NAALADL2: variants seen among roughly 807,000 people sequenced by gnomAD.
NAALADL2 encodes the protein N-acetylated alpha-linked acidic dipeptidase like 2.
NAALADL2 carries 76 observed loss-of-function variants against 87.2 expected under a neutral mutation model. That is an observed-to-expected ratio of 0.87 (90% CI 0.72 to 1.05). NAALADL2 has a LOEUF of 1.05. Among genes scored for constraint, NAALADL2 ranks in the 50% least tolerant of loss-of-function variants. The probability of loss-of-function intolerance (pLI) is 0.00; values close to 1 mark genes in which losing one functional copy is unlikely to be tolerated. For missense variants in NAALADL2, 1,089 were observed against 945.8 expected (o/e 1.15, Z -1.99); for synonymous variants, 354 against 331.0 (o/e 1.07, Z -0.75).
chr3:175,742,202 G>C (rs985530338), intron 12 of NAALADL2, among the ~76,000 whole-genome samples: 19 of 152,094 alleles, frequency 1.2e-4, no homozygotes, highest in African/African-American at 4.3e-4. Context: ...TCGTCAGGGA[G>C]GTATGTAGCT....
chr3:175,697,899 A>G (rs558242170), intron 11 of NAALADL2, among the ~76,000 whole-genome samples: 1,219 of 76,254 alleles, frequency 0.016, 22 homozygotes, highest in Non-Finnish European at 0.022. Flanking sequence ...ATATGTATGT[A>G]TACATATATA....
At chr3:174,742,654 TAA>T (rs1432192026) in intron 3 of NAALADL2, among the ~76,000 whole-genome samples, 1 of 151,722 alleles carries the variant, frequency 6.6e-6, no homozygotes, top group Non-Finnish European at 1.5e-5. Flanking sequence ...CTAGGATATT[TAA>T]AAGTGACACC....
At chr3:174,845,111 T>C (rs1370539397) in intron 3 of NAALADL2, among the ~76,000 whole-genome samples, 4 of 152,154 alleles carry the variant, frequency 2.6e-5, no homozygotes, top group African/African-American at 9.7e-5. Flanking sequence ...AGAGAGAAGA[T>C]ACAATATGTT....
chr3:174,940,147 T>A (rs1296737990), intron 1 of NAALADL2, among the ~76,000 whole-genome samples: 1 of 152,156 alleles, frequency 6.6e-6, no homozygotes, highest in Non-Finnish European at 1.5e-5. Flanking sequence ...TGGCTGTGCA[T>A]TTGTCATAGA....
intron 2 of NAALADL2, among the ~76,000 whole-genome samples, chr3:174,713,301 T>A (rs961009285): frequency 1.3e-5 from 2 of 152,224 alleles, no homozygotes; most frequent in Non-Finnish European, 2.9e-5. Context: ...TGATTTATAG[T>A]CCTTTGGGTA....
intron 1 of NAALADL2, among the ~76,000 whole-genome samples, chr3:175,014,935 G>C (rs922185234): frequency 1.7e-4 from 25 of 151,422 alleles, no homozygotes; most frequent in African/African-American, 6.1e-4. Context: ...TTCACATATG[G>C]CTTAGGAATG....
At chr3:174,506,183 C>CTT (rs58179047) in intron 1 of NAALADL2, among the ~76,000 whole-genome samples, 1,856 of 141,140 alleles carry the variant, frequency 0.013, 41 homozygotes, top group African/African-American at 0.046. Context: ...TGGTTTATAT[C>CTT]TTTTTTTTTT....
chr3:175,000,529 A>G (rs1013885612), intron 1 of NAALADL2, among the ~76,000 whole-genome samples: 32 of 152,184 alleles, frequency 2.1e-4, no homozygotes, highest in Admixed American at 1.8e-3. Flanking sequence ...GTGTATGCCA[A>G]CCAAGTAACT....
intron 10 of NAALADL2, among the ~76,000 whole-genome samples, chr3:175,616,555 T>G (rs569543825): frequency 2.0e-5 from 3 of 152,060 alleles, no homozygotes; most frequent in Non-Finnish European, 4.4e-5. Context: ...AAAATATGAA[T>G]CTGGGAGTGT....
At chr3:174,782,659 G>A (rs1374051382) in intron 3 of NAALADL2, among the ~76,000 whole-genome samples, 2 of 152,108 alleles carry the variant, frequency 1.3e-5, no homozygotes, top group African/African-American at 2.4e-5. Flanking sequence ...TTGACTCACA[G>A]TTCTGCATGG....
At chr3:174,929,346 T>A (rs1736534659) in intron 1 of NAALADL2, among the ~76,000 whole-genome samples, 1 of 152,202 alleles carries the variant, frequency 6.6e-6, no homozygotes, top group African/African-American at 2.4e-5. Flanking sequence ...CTGCTGTATC[T>A]GAGGAAATAA....
chr3:175,050,428 A>G (rs1260416262), intron 1 of NAALADL2, among the ~76,000 whole-genome samples: 1 of 152,090 alleles, frequency 6.6e-6, no homozygotes, highest in East Asian at 1.9e-4. Context: ...CGTCTAGCTA[A>G]TTTTTGAATT....
At chr3:175,766,880 C>T (rs1332820474) in intron 13 of NAALADL2, among the ~76,000 whole-genome samples, 1 of 152,022 alleles carries the variant, frequency 6.6e-6, no homozygotes, top group Non-Finnish European at 1.5e-5. Context: ...GCAAAATTTT[C>T]TTCTTATAAT....
chr3:174,552,951 GAC>G lies in NAALADL2; in HGVS notation c.-115+2316_-115+2317del, dbSNP rs1464810862. 5.3e-5 allele frequency among the ~76,000 whole-genome samples: 8 copies of G among 152,132 alleles called. No individual in the cohort carries two copies. The East Asian group carries it at 1.5e-3, about 29-fold the overall frequency. ...AGTGGGGGCAAGATAGGTGACTATA[GAC>G]ATATGTTACACGTTATAAACTTTAA... On this transcript the variant is annotated intron_variant, in intron 2 of 3. Transcript: ENST00000434257.
In NAALADL2 at chr3:175,123,558, G is replaced by A. The variant is rs563975331; in HGVS notation, c.545+26267G>A. ...GTCATGACCTGGCTCCTCTATTTCGGACTTTCTCTTTCTACTGTGCCTCCA... is the reference window on the plus strand; with the variant it reads ...GTCATGACCTGGCTCCTCTATTTCGAACTTTCTCTTTCTACTGTGCCTCCA... On this transcript the variant is annotated intron_variant, in intron 2 of 13. Coordinates refer to ENST00000454872, the MANE Select transcript of NAALADL2 (RefSeq NM_207015.3). Among the ~76,000 whole-genome samples, 12 of 151,862 alleles carry A rather than the reference G, an allele frequency of 7.9e-5. No homozygotes were observed. In the South Asian group the frequency reaches 2.3e-3, roughly 29 times the overall value.
chr3:174,954,081 A>G (rs1740820882), intron 1 of NAALADL2, among the ~76,000 whole-genome samples: 1 of 152,080 alleles, frequency 6.6e-6, no homozygotes, highest in African/African-American at 2.4e-5. Flanking sequence ...ATTTGACCCC[A>G]TTAGTGATGG....
At chr3:175,674,664 G>A (rs528290594) in intron 11 of NAALADL2, among the ~76,000 whole-genome samples, 1 of 152,016 alleles carries the variant, frequency 6.6e-6, no homozygotes, top group Admixed American at 6.6e-5. Context: ...TTCTTATTGG[G>A]TTGGATCATT....
chr3:174,605,297 G>T (rs972106358), intron 2 of NAALADL2, among the ~76,000 whole-genome samples: 1 of 152,264 alleles, frequency 6.6e-6, no homozygotes, highest in Admixed American at 6.5e-5. Context: ...TCACTAGGAA[G>T]TGCCAGACAG....
At chr3:174,539,660 G>C (rs1342019044) in intron 1 of NAALADL2, among the ~76,000 whole-genome samples, 1 of 152,042 alleles carries the variant, frequency 6.6e-6, no homozygotes, top group Non-Finnish European at 1.5e-5. Context: ...ATCAAATTCT[G>C]AAAGGACCGT....
Sources: allele counts gnomAD v4.1 joint callset (sites outside exome capture counted in the v4.1 genomes callset), GRCh38; gene constraint gnomAD v4.1.1; transcripts MANE v1.5; gene names NCBI Gene and HGNC (gene_info 2026-07-23, HGNC 2026-07-21).